The following SPEG variants were observed in gnomAD, a reference collection of about 807,000 sequenced individuals.
The protein encoded by SPEG is striated muscle enriched protein kinase, also known as striated muscle preferentially expressed protein kinase.
In SPEG, 114 loss-of-function variants were observed where a neutral mutation model predicts 300.4. The ratio of observed to expected loss-of-function variants is 0.38; its 90% CI spans 0.33 to 0.44. The LOEUF is 0.44. Among genes scored for constraint, SPEG ranks in the 20% least tolerant of loss-of-function variants. SPEG has a pLI of 1.00. For synonymous variants in SPEG, 1,964 were observed against 2,018.9 expected, an observed-to-expected ratio of 0.97 and a Z score of 0.73; for missense variants, 4,201 against 4,586.2, an observed-to-expected ratio of 0.92 and a Z score of 2.43.
intron 31 of SPEG, among the ~76,000 whole-genome samples, chr2:219,486,325 A>T (rs1224431056): frequency 6.6e-6 from 1 of 152,240 alleles, no homozygotes; most frequent in Non-Finnish European, 1.5e-5. Flanking sequence ...GAGCGAGTCC[A>T]TGAAGCCAGG....
rs563295911 is a variant in SPEG at position 219,492,692 on chromosome 2, G to C, written c.9710G>C (p.Arg3237Pro). 5 of 1,609,272 alleles carry C rather than the reference G, an allele frequency of 3.1e-6. No individual in the cohort carries two copies. The African/African-American group carries it at 4.0e-5, about 13-fold the overall frequency. The change falls in exon 41 of 41, where the codon CGG (arginine) becomes CCG (proline). Residue 3237 changes from arginine to proline, a missense_variant. Coordinates refer to ENST00000312358, the MANE Select transcript of SPEG (RefSeq NM_005876.5). ...RRQTLTFTTN[R>P]LKEFLGEQRR... ...CAGACGCTCACCTTCACCACCAACC[G>C]GCTCAAGGAGTTCCTGGGCGAGCAG...
Position 219,445,545 on chromosome 2 carries a change from G to C in SPEG, c.815+384G>C, listed in dbSNP as rs1246094735. 2 of 317,424 alleles carry C rather than the reference G, an allele frequency of 6.3e-6. No homozygotes were observed. Among genetic ancestry groups the C allele is most frequent in the Non-Finnish European group, 1.2e-5 (2 of 169,160 alleles). 19.7% of individuals were successfully genotyped at this position (317,424 alleles called of 1,614,324 possible). Reference sequence around the variant, plus strand: ...CTTGGTGCCTGCTGTCTCAGCAGCTGCTGCCTTTTCATCTCTCTGCACATT... The same window carrying C: ...CTTGGTGCCTGCTGTCTCAGCAGCTCCTGCCTTTTCATCTCTCTGCACATT... On this transcript the variant is annotated intron_variant, in intron 3 of 40. Coordinates refer to ENST00000312358, the MANE Select transcript of SPEG (RefSeq NM_005876.5). The surrounding 1 kb of genome is among the most constrained non-coding windows in gnomAD (Gnocchi z 6.1).
Position 219,479,812 on chromosome 2 carries a change from G to A in SPEG, c.5115G>A (p.Glu1705=), listed in dbSNP as rs779496041. 1 of 1,614,050 alleles carries A rather than the reference G, an allele frequency of 6.2e-7. No individual in the cohort carries two copies. Among genetic ancestry groups the A allele is most frequent in the Non-Finnish European group, 8.5e-7 (1 of 1,180,014 alleles). ...EIRAYMRQVL[E]GIHYLHQSHV... is the part of the protein sequence containing the mutation. ...GGGCCTATATGCGGCAGGTGCTAGA[G>A]GGAATACACTACCTGCACCAGAGCC... The change falls in exon 24 of 41, where the codon GAG becomes GAA. Residue 1705 remains glutamate, a synonymous_variant. Coordinates refer to ENST00000312358, the MANE Select transcript of SPEG (RefSeq NM_005876.5). This position sits in a 1 kb window ranked among gnomAD's most constrained non-coding sequence, Gnocchi z 5.5.
At chr2:219,437,967 G>A (rs1954762688) in intron 1 of SPEG, among the ~76,000 whole-genome samples, 1 of 152,182 alleles carries the variant, frequency 6.6e-6, no homozygotes, top group Non-Finnish European at 1.5e-5. Flanking sequence ...TCCTGGCTGG[G>A]ATTGCTGGCT....
intron 33 of SPEG, 25 bp downstream of exon 33, chr2:219,488,690 G>C (rs763805249): frequency 3.1e-6 from 5 of 1,604,056 alleles, no homozygotes; most frequent in African/African-American, 2.7e-5. Flanking sequence ...GGGCCCCAGG[G>C]GGGTAGTGAT....
intron 6 of SPEG, among the ~76,000 whole-genome samples, chr2:219,455,181 T>C (rs773851892): frequency 4.6e-5 from 7 of 152,260 alleles, no homozygotes; most frequent in Admixed American, 2.0e-4. Context: ...CTGTGTTGAT[T>C]GGATTATTTT....
chr2:219,459,927 C>T lies in SPEG; in HGVS notation c.2441-1955C>T, dbSNP rs116418478. On this transcript the variant is annotated intron_variant, in intron 6 of 40. Transcript: ENST00000312358. This position sits in a 1 kb window ranked among gnomAD's most constrained non-coding sequence, Gnocchi z 4.9. Reference sequence around the variant, plus strand: ...AGGTCATGGCTTGGGAATGTGGCCCCGGGTTGCGGGGTGAGGTGATAGGAA... The same window carrying T: ...AGGTCATGGCTTGGGAATGTGGCCCTGGGTTGCGGGGTGAGGTGATAGGAA... Among the ~76,000 whole-genome samples, 2,003 of 152,296 alleles carry T rather than the reference C, an allele frequency of 0.013. 47 individuals are homozygous for T. Among genetic ancestry groups the T allele is most frequent in the African/African-American group, 0.045 (1,872 of 41,558 alleles).
chr2:219,486,982 C>T (rs1460684477), intron 31 of SPEG, among the ~76,000 whole-genome samples: 3 of 152,140 alleles, frequency 2.0e-5, no homozygotes, highest in East Asian at 1.9e-4. Context: ...GAGTACTCCT[C>T]TTCTGCCTGG....
In SPEG at chr2:219,437,506, G is replaced by A. The variant is rs560531199; in HGVS notation, c.388+2141G>A. On this transcript the variant is annotated intron_variant, in intron 1 of 40. Coordinates refer to ENST00000312358, the MANE Select transcript of SPEG (RefSeq NM_005876.5). ...TTGAGAGGCTTGGGGTAAGAAAAGG[G>A]CCCTGGGTGTTGTGGGGCTGGATCA... Among the ~76,000 whole-genome samples the A allele has an allele frequency of 4.6e-5, 7 of 152,296 alleles. No homozygotes were observed. The South Asian group carries it at 1.5e-3, about 32-fold the overall frequency.
chr2:219,460,907 GT>G, intron 6 of SPEG: 3 of 986,254 alleles, frequency 3.0e-6, no homozygotes, highest in South Asian at 4.7e-5. Context: ...CCACGCTGGG[GT>G]GGGCAGTGGG....
intron 6 of SPEG, chr2:219,461,550 A>G (rs1353277804): frequency 8.4e-7 from 1 of 1,185,884 alleles, no homozygotes. Context: ...CATGTCAGGA[A>G]TGTGGGTGCC....
Position 219,483,823 on chromosome 2 carries a change from C to T in SPEG, c.6360C>T (p.Leu2120=), listed in dbSNP as rs1384333462. The part of the protein sequence containing the change: ...SEAAPHHQPP[L]ENRGLQKSSS... ...CAGCGCCCCACCACCAGCCCCCACTCGAGAACCGGGGCCTGCAAAAGAGCA... is the reference window on the plus strand; with the variant it reads ...CAGCGCCCCACCACCAGCCCCCACTTGAGAACCGGGGCCTGCAAAAGAGCA... Residue 2120 remains leucine (L), a synonymous_variant, in exon 30 of 41, where the codon CTC becomes CTT. Transcript: ENST00000312358. 1 of 1,581,176 alleles carries T rather than the reference C, an allele frequency of 6.3e-7. No individual in the cohort carries two copies. The highest frequency in any genetic ancestry group is 8.5e-7 in the Non-Finnish European group (1 of 1,170,342).
intron 15 of SPEG, 60 bp downstream of exon 15, chr2:219,472,391 G>C (rs1277036048): frequency 6.9e-7 from 1 of 1,455,476 alleles, no homozygotes; most frequent in African/African-American, 1.4e-5. Context: ...GCAGGCTCAG[G>C]CAGGACACCA....
intron 9 of SPEG, chr2:219,465,890 TGTGCGTATGGGTGTGTGC>T (rs1559390609): frequency 1.6e-6 from 1 of 635,610 alleles, no homozygotes; most frequent in South Asian, 1.8e-5. Context: ...CGTGTGCATG[TGTGCGTATGGGTGTGTGC>T]ATGCGTGTGT....
rs1298121068 is a variant in SPEG, at chr2:219,492,103, C to A, written c.9462-8C>A. Reference sequence around the variant, plus strand: ...TGCATACGTCAATCAAGCTATCTTCCCCAACAGGCTCAGTGGACGCTCCCC... The same window carrying A: ...TGCATACGTCAATCAAGCTATCTTCACCAACAGGCTCAGTGGACGCTCCCC... On this transcript the variant is annotated splice_region_variant and splice_polypyrimidine_tract_variant and intron_variant, in intron 39 of 40. Coordinates refer to ENST00000312358, the MANE Select transcript of SPEG (RefSeq NM_005876.5). The A allele has an allele frequency of 1.2e-6, 2 of 1,608,536 alleles. No homozygotes were observed. Among genetic ancestry groups the A allele is most frequent in the South Asian group, 1.1e-5 (1 of 90,650 alleles).
chr2:219,451,641 T>A lies in SPEG; in HGVS notation c.2274T>A (p.Asp758Glu). 4 of 1,569,032 alleles carry A rather than the reference T, an allele frequency of 2.5e-6. No homozygotes were observed. Among genetic ancestry groups the A allele is most frequent in the Non-Finnish European group, 3.5e-6 (4 of 1,158,386 alleles). Residue 758 changes from aspartate (D) to glutamate (E), a missense_variant, in exon 6 of 41, where the codon GAT becomes GAA. Asp to Glu is a conservative substitution (Grantham distance 45). Coordinates refer to ENST00000312358, the MANE Select transcript of SPEG (RefSeq NM_005876.5). The surrounding 1 kb of genome is among the most constrained non-coding windows in gnomAD (Gnocchi z 6.4). The part of the protein sequence containing the change: ...NPPPQVSWHK[D>E]GSALRSEGRL... ...TCCCCACAGTGTCCTGGCACAAGGA[T>A]GGGTCAGCGCTGCGCAGCGAGGGCC... is the stretch of plus-strand genomic sequence containing the variant.
chr2:219,460,763 A>G (rs899918800), intron 6 of SPEG: 15 of 984,012 alleles, frequency 1.5e-5, no homozygotes, highest in African/African-American at 1.8e-5. Context: ...CCGGCCTGCC[A>G]TCCAACCTCC....
At position 219,449,163 on chromosome 2, in the gene SPEG, A is replaced by T. The variant is rs1689548607; in HGVS notation, c.2005A>T (p.Arg669Trp). Residue 669 changes from arginine (R) to tryptophan (W), a missense_variant, in exon 4 of 41, where the codon AGG becomes TGG. Transcript: ENST00000312358. ...KNRAGPEAEK[R>W]LRRGPEEDGP... The stretch of plus-strand genomic sequence containing the variant: ...CAGGGCGGGGCCTGAGGCAGAGAAG[A>T]GGCTTCGCAGAGGGCCGGAGGAGGA... 7.1e-7 allele frequency: 1 copy of T among 1,407,824 alleles called. No individual in the cohort carries two copies. The highest frequency in any genetic ancestry group is 3.4e-5 in the Admixed American group (1 of 29,242). The allele number at this position is 1,407,824 out of a possible 1,614,324, so 87.2% of individuals were successfully genotyped here.
rs1185738482 is a variant in SPEG, at chr2:219,451,803, AC to A, written c.2439del (p.Gly814ValfsTer18). ...ATCAASLTVR[P>X]GGSTSPFSSP... ...CCTGTGCCGCCTCACTGACCGTGAG[AC>A]CCGGTAGGGAGCCCATCAACCCTGG... On this transcript the variant is annotated frameshift_variant, in exon 6 of 41. Coordinates refer to ENST00000312358, the MANE Select transcript of SPEG (RefSeq NM_005876.5). LOFTEE classifies it high-confidence loss of function. This position sits in a 1 kb window ranked among gnomAD's most constrained non-coding sequence, Gnocchi z 6.4. 6.5e-7 allele frequency: 1 copy of A among 1,537,506 alleles called. No individual in the cohort carries two copies. Among genetic ancestry groups the A allele is most frequent in the African/African-American group, 1.4e-5 (1 of 72,742 alleles).
Sources: gnomAD v4.1 joint callset for allele counts (sites outside exome capture counted in the v4.1 genomes callset) on GRCh38, gnomAD v4.1.1 for gene constraint, Gnocchi (gnomAD v3.1) non-coding constraint, MANE v1.5 for transcripts, NCBI Gene and HGNC (gene_info 2026-07-23, HGNC 2026-07-21) for gene names.